The following HELZ variants were observed in gnomAD, a reference collection of about 807,000 sequenced individuals.
The protein encoded by HELZ is ATP-dependent RNA helicase with zinc finger domain.
A neutral mutation model predicts 218.2 loss-of-function variants in HELZ; 23 were observed. The observed-to-expected ratio is 0.11, with a 90% confidence interval of 0.08 to 0.15. The LOEUF (loss-of-function observed/expected upper bound fraction) is 0.15. Ranked by LOEUF, HELZ falls within the 10% of genes least tolerant of loss-of-function variation. The pLI is 1.00. For missense variants in HELZ, 1,813 were observed against 2,353.7 expected, an observed-to-expected ratio of 0.77 and a Z score of 4.75; for synonymous variants, 814 against 829.4, an observed-to-expected ratio of 0.98 and a Z score of 0.32.
At chr17:67,092,939 A>G (rs2036619268) in intron 31 of HELZ, among the ~76,000 whole-genome samples, 1 of 151,876 alleles carries the variant, frequency 6.6e-6, no homozygotes, top group African/African-American at 2.4e-5. Context: ...CTGCACTCCC[A>G]CCTGGGTGAC....
intron 7 of HELZ, chr17:67,200,831 A>C: frequency 3.1e-6 from 1 of 319,274 alleles, no homozygotes; most frequent in East Asian, 5.3e-5. Context: ...TTAAAAACTA[A>C]AATTTCCCAA....
chr17:67,121,255 C>G (rs552087091), intron 26 of HELZ, among the ~76,000 whole-genome samples: 3 of 152,198 alleles, frequency 2.0e-5, no homozygotes, highest in Non-Finnish European at 4.4e-5. Context: ...ACAATGACAT[C>G]TGAGCTACTG....
chr17:67,168,011 C>T (rs2039199287), intron 13 of HELZ, among the ~76,000 whole-genome samples: 1 of 151,672 alleles, frequency 6.6e-6, no homozygotes, highest in Non-Finnish European at 1.5e-5. Flanking sequence ...GAGACGGAGT[C>T]TCACTCTGTC....
intron 26 of HELZ, among the ~76,000 whole-genome samples, chr17:67,121,449 G>A (rs1388116125): frequency 6.6e-6 from 1 of 152,186 alleles, no homozygotes; most frequent in African/African-American, 2.4e-5. Context: ...TGAAGTCTAT[G>A]GGGAGTGGGC....
chr17:67,089,204 T>C (rs1327910048), intron 31 of HELZ, among the ~76,000 whole-genome samples: 1 of 152,164 alleles, frequency 6.6e-6, no homozygotes, highest in Non-Finnish European at 1.5e-5. Flanking sequence ...GAACACTAAA[T>C]ATACTCTCAT....
chr17:67,191,978 C>T (rs1219747916), intron 9 of HELZ, among the ~76,000 whole-genome samples: 3 of 151,620 alleles, frequency 2.0e-5, no homozygotes, highest in Admixed American at 1.3e-4. Context: ...CCAAGGCAGG[C>T]GCATCACCTG....
At chr17:67,101,376 T>C (rs1394905603) in intron 31 of HELZ, among the ~76,000 whole-genome samples, 1 of 151,946 alleles carries the variant, frequency 6.6e-6, no homozygotes, top group African/African-American at 2.4e-5. Context: ...ATGCCCCACA[T>C]ATAGAAACTG....
intron 21 of HELZ, among the ~76,000 whole-genome samples, chr17:67,140,396 G>A (rs187327476): frequency 3.3e-4 from 51 of 152,290 alleles, no homozygotes; most frequent in African/African-American, 4.8e-4. Context: ...GGATCACACC[G>A]TGGAGCAATT....
intron 6 of HELZ, among the ~76,000 whole-genome samples, chr17:67,202,977 G>A (rs1264389577): frequency 1.3e-5 from 2 of 151,856 alleles, no homozygotes; most frequent in Non-Finnish European, 2.9e-5. Flanking sequence ...TCAAAAATTA[G>A]CAGGGATGGT....
At chr17:67,156,191 A>G (rs2038837577) in intron 17 of HELZ, among the ~76,000 whole-genome samples, 1 of 151,924 alleles carries the variant, frequency 6.6e-6, no homozygotes, top group Non-Finnish European at 1.5e-5. Flanking sequence ...GTAATAGTGT[A>G]TGCATGTGAT....
chr17:67,234,789 A>C (rs1176775339), intron 3 of HELZ, among the ~76,000 whole-genome samples: 1 of 152,134 alleles, frequency 6.6e-6, no homozygotes, highest in Admixed American at 6.5e-5. Context: ...GGACCCAGGA[A>C]ACTTGGATAT....
intron 31 of HELZ, among the ~76,000 whole-genome samples, chr17:67,096,136 A>AC (rs371255781): frequency 1.7e-3 from 104 of 59,996 alleles, no homozygotes; most frequent in African/African-American, 5.1e-3. Flanking sequence ...AAAAAATCCC[A>AC]CCCCCCCTCC....
intron 25 of HELZ, 23 bp downstream of exon 25, chr17:67,123,940 C>T: frequency 1.3e-6 from 2 of 1,580,032 alleles, no homozygotes; most frequent in South Asian, 1.1e-5. Context: ...AGCAAGTTTT[C>T]ATAGGGTAAT....
chr17:67,206,598 C>CTT lies in HELZ; in HGVS notation c.248-3157_248-3156dup, dbSNP rs60076524. Among the ~76,000 whole-genome samples the CTT allele has an allele frequency of 3.1e-3, 423 of 137,820 alleles. 2 individuals carry two copies. The highest frequency in any genetic ancestry group is 5.8e-3 in the African/African-American group (218 of 37,660). The allele number at this position is 137,820 out of a possible 152,430, so 90.4% of individuals were successfully genotyped here. Reference sequence around the variant, plus strand: ...TTTCAGTAATATGACCATATTAGGACTTTTTTTTTTTTTTTTTAAGACGGA... The same window carrying CTT: ...TTTCAGTAATATGACCATATTAGGACTTTTTTTTTTTTTTTTTTTAAGACGGA... On this transcript the variant is annotated intron_variant, in intron 5 of 32. Transcript: ENST00000358691.
chr17:67,233,920 C>T (rs2041104891), intron 3 of HELZ, among the ~76,000 whole-genome samples: 1 of 151,764 alleles, frequency 6.6e-6, no homozygotes, highest in African/African-American at 2.4e-5. Flanking sequence ...GTGTCGGGCA[C>T]CTGTAATCCC....
intron 3 of HELZ, chr17:67,224,284 C>T (rs754584123): frequency 7.0e-5 from 11 of 157,820 alleles, no homozygotes; most frequent in South Asian, 3.7e-4. Flanking sequence ...TTGAATATAC[C>T]GCAGCCATTT....
chr17:67,174,292 T>TA (rs2039392301), intron 13 of HELZ, among the ~76,000 whole-genome samples: 1 of 151,940 alleles, frequency 6.6e-6, no homozygotes, highest in South Asian at 2.1e-4. Context: ...ATCTACTTTC[T>TA]AGGAAGAAAT....
At chr17:67,178,579 G>A (rs2039521646) in intron 13 of HELZ, 80 bp downstream of exon 13, 3 of 1,182,180 alleles carry the variant, frequency 2.5e-6, no homozygotes, top group Non-Finnish European at 2.4e-6. Context: ...TCTTCACTTA[G>A]GCACACTTTC....
At chr17:67,185,932 T>C (rs569733970) in intron 12 of HELZ, among the ~76,000 whole-genome samples, 1 of 152,326 alleles carries the variant, frequency 6.6e-6, no homozygotes, top group South Asian at 2.1e-4. Flanking sequence ...TAAAACTTAA[T>C]TTTCAAACTA....
Sources: gnomAD v4.1 joint callset for allele counts (sites outside exome capture counted in the v4.1 genomes callset) on GRCh38, gnomAD v4.1.1 for gene constraint, MANE v1.5 for transcripts, NCBI Gene and HGNC (gene_info 2026-07-23, HGNC 2026-07-21) for gene names.